The following ADAM23 variants were observed in gnomAD, a reference collection of about 807,000 sequenced individuals.
ADAM23 encodes ADAM metallopeptidase domain 23, also known as disintegrin and metalloproteinase domain-containing protein 23.
Under a neutral mutation model 120.1 loss-of-function variants are expected in ADAM23, and 33 were observed. The ratio of observed to expected loss-of-function variants is 0.27; its 90% CI spans 0.21 to 0.37. The LOEUF (loss-of-function observed/expected upper bound fraction) is 0.37. Among genes scored for constraint, ADAM23 ranks in the 10% least tolerant of loss-of-function variants. The pLI, the probability that ADAM23 is intolerant of heterozygous loss-of-function variation, is 1.00. For synonymous variants in ADAM23, 367 were observed against 375.2 expected (o/e 0.98, Z 0.25); for missense variants, 862 against 1,058.2 (o/e 0.81, Z 2.57).
In ADAM23 at chr2:206,504,084, T is replaced by C. The variant is rs151328326; in HGVS notation, c.509+22776T>C. 4.1e-3 allele frequency among the ~76,000 whole-genome samples: 626 copies of C among 152,290 alleles called. 3 individuals are homozygous for C. The highest frequency in any genetic ancestry group is 0.015 in the African/African-American group (610 of 41,564). ...ATATAACTTTTATATATCCTTGGTA[T>C]ATCTTTGATATATTCCTTGATATAT... On this transcript the variant is annotated intron_variant, in intron 3 of 25. Coordinates refer to ENST00000264377, the MANE Select transcript of ADAM23 (RefSeq NM_003812.4).
Position 206,530,966 on chromosome 2 carries a change from G to A in ADAM23, c.573+18G>A, listed in dbSNP as rs372302919. The A allele has an allele frequency of 1.2e-5, 20 of 1,609,332 alleles. No individual in the cohort carries two copies. Among genetic ancestry groups the A allele is most frequent in the South Asian group, 3.3e-5 (3 of 90,700 alleles). Reference sequence around the variant, plus strand: ...ACTCTAAGGTACGGTTACCGGCGTCGGCAAGTACTCTAGTATAAGTGTGCT... The same window carrying A: ...ACTCTAAGGTACGGTTACCGGCGTCAGCAAGTACTCTAGTATAAGTGTGCT... On this transcript the variant is annotated intron_variant, in intron 4 of 25. Coordinates refer to ENST00000264377, the MANE Select transcript of ADAM23 (RefSeq NM_003812.4).
intron 2 of ADAM23, among the ~76,000 whole-genome samples, chr2:206,478,651 A>G (rs568653457): frequency 1.4e-3 from 212 of 152,312 alleles, no homozygotes; most frequent in Admixed American, 4.9e-3. Context: ...GTCACTGATC[A>G]TGTCACGTGA....
intron 2 of ADAM23, among the ~76,000 whole-genome samples, chr2:206,478,121 C>T (rs992858069): frequency 6.6e-6 from 1 of 151,694 alleles, no homozygotes; most frequent in African/African-American, 2.4e-5. Context: ...GGAAAAGTAG[C>T]ACTTGTCAGG....
intron 3 of ADAM23, among the ~76,000 whole-genome samples, chr2:206,487,207 G>T (rs1240619861): frequency 6.6e-6 from 1 of 152,138 alleles, no homozygotes; most frequent in Admixed American, 6.5e-5. Context: ...AGATGTTGGG[G>T]GATTCTACAT....
At chr2:206,472,929 T>C (rs2105870221) in intron 2 of ADAM23, among the ~76,000 whole-genome samples, 1 of 152,302 alleles carries the variant, frequency 6.6e-6, no homozygotes, top group South Asian at 2.1e-4. Context: ...GAGAAGAGTG[T>C]GCTTTGTTGA....
intron 2 of ADAM23, among the ~76,000 whole-genome samples, chr2:206,454,929 C>T (rs72933222): frequency 0.066 from 9,979 of 152,250 alleles, 423 homozygotes; most frequent in Middle Eastern, 0.12. Flanking sequence ...ATTGAGTGCC[C>T]GTGGCCTTTC....
chr2:206,510,644 G>A (rs756805487), intron 3 of ADAM23, among the ~76,000 whole-genome samples: 12 of 152,200 alleles, frequency 7.9e-5, no homozygotes, highest in Non-Finnish European at 1.3e-4. Context: ...AGACTTTTGA[G>A]TGTTGTATTT....
intron 4 of ADAM23, among the ~76,000 whole-genome samples, chr2:206,541,230 AAAAT>A (rs932565106): frequency 1.3e-4 from 20 of 151,884 alleles, no homozygotes; most frequent in African/African-American, 3.4e-4. Flanking sequence ...AAAAATTCTA[AAAAT>A]AAATAAATAA....
At chr2:206,603,792 T>C (rs1454285980) in intron 24 of ADAM23, among the ~76,000 whole-genome samples, 1 of 152,210 alleles carries the variant, frequency 6.6e-6, no homozygotes, top group Non-Finnish European at 1.5e-5. Flanking sequence ...TTTTTATTTA[T>C]CTTTCATATA....
intron 11 of ADAM23, among the ~76,000 whole-genome samples, chr2:206,560,393 C>T (rs1297038101): frequency 6.6e-6 from 1 of 151,982 alleles, no homozygotes; most frequent in East Asian, 1.9e-4. Context: ...GCCTTCATTA[C>T]TGGCAGCGGG....
At chr2:206,588,510 A>G (rs904901870) in intron 20 of ADAM23, among the ~76,000 whole-genome samples, 1 of 152,214 alleles carries the variant, frequency 6.6e-6, no homozygotes, top group African/African-American at 2.4e-5. Flanking sequence ...CCATTAACAC[A>G]CACACAAGTT....
rs1041320406 is a variant in ADAM23 at position 206,620,123 on chromosome 2, G to A, written c.*2496G>A. On this transcript the variant is annotated 3_prime_UTR_variant, in exon 26 of 26. Transcript: ENST00000264377. Reference sequence around the variant, plus strand: ...ACTAAGATTCCAGAGCCACCTTGGTGACATAACAGAAACAAAATCATGTTG... The same window carrying A: ...ACTAAGATTCCAGAGCCACCTTGGTAACATAACAGAAACAAAATCATGTTG... The A allele has an allele frequency of 9.2e-5, 14 of 152,294 alleles. No homozygotes were observed. Among genetic ancestry groups the A allele is most frequent in the African/African-American group, 3.1e-4 (13 of 41,556 alleles). 9.4% of individuals were successfully genotyped at this position (152,294 alleles called of 1,614,324 possible).
intron 2 of ADAM23, among the ~76,000 whole-genome samples, chr2:206,455,959 C>T (rs1053994593): frequency 1.3e-5 from 2 of 152,132 alleles, no homozygotes; most frequent in Non-Finnish European, 2.9e-5. Context: ...CTGAGCCCTC[C>T]AAACTGTTCC....
At position 206,619,996 on chromosome 2, in the gene ADAM23, T is replaced by G. The variant is rs1168062823; in HGVS notation, c.*2369T>G. ...GAAGCTTGGAGGAAACTCAGATTAC[T>G]TGGTATCTTTTCCTGTTGCTGCATT... On this transcript the variant is annotated 3_prime_UTR_variant, in exon 26 of 26. Coordinates refer to ENST00000264377, the MANE Select transcript of ADAM23 (RefSeq NM_003812.4). 2.0e-5 allele frequency: 3 copies of G among 152,270 alleles called. No homozygotes were observed. The highest frequency in any genetic ancestry group is 2.9e-5 in the Non-Finnish European group (2 of 68,094). 9.4% of individuals were successfully genotyped at this position (152,270 alleles called of 1,614,324 possible). A position where few individuals can be genotyped will look rare whatever the true frequency, so the allele number is the denominator to read the frequency against.
chr2:206,540,328 A>G (rs777116705), intron 4 of ADAM23, among the ~76,000 whole-genome samples: 2 of 151,436 alleles, frequency 1.3e-5, no homozygotes, highest in South Asian at 2.1e-4. Flanking sequence ...CAAACACAGT[A>G]TTTGTGGGAT....
chr2:206,605,002 G>A (rs1221783506), intron 24 of ADAM23, among the ~76,000 whole-genome samples: 2 of 152,166 alleles, frequency 1.3e-5, no homozygotes, highest in African/African-American at 2.4e-5. Flanking sequence ...ACTTCATTTT[G>A]CCTTTGTAGC....
intron 3 of ADAM23, among the ~76,000 whole-genome samples, chr2:206,483,375 A>G (rs1198486831): frequency 2.0e-5 from 3 of 152,170 alleles, no homozygotes; most frequent in Non-Finnish European, 4.4e-5. Flanking sequence ...TGGGACATAC[A>G]TGTGGCCATG....
At chr2:206,527,727 G>A (rs1266541794) in intron 3 of ADAM23, among the ~76,000 whole-genome samples, 2 of 152,154 alleles carry the variant, frequency 1.3e-5, no homozygotes, top group African/African-American at 4.8e-5. Flanking sequence ...CAGGTGCTAG[G>A]GATACTGTGA....
chr2:206,575,838 T>A (rs559254256), intron 18 of ADAM23, among the ~76,000 whole-genome samples: 1 of 152,292 alleles, frequency 6.6e-6, no homozygotes, highest in South Asian at 2.1e-4. Flanking sequence ...CTAGTTCTTC[T>A]TCCCAAGCTT....
Sources: gnomAD v4.1 joint callset for allele counts (sites outside exome capture counted in the v4.1 genomes callset) on GRCh38, gnomAD v4.1.1 for gene constraint, MANE v1.5 for transcripts, NCBI Gene and HGNC (gene_info 2026-07-23, HGNC 2026-07-21) for gene names.